B3GALT5: variants seen among roughly 807,000 people sequenced by gnomAD.
The protein encoded by B3GALT5 is UDP-Gal:betaGlcNAc beta 1,3-galactosyltransferase, polypeptide 5.
For synonymous variants in B3GALT5, 156 were observed against 158.6 expected (o/e 0.98, Z 0.12); for missense variants, 328 against 396.6 (o/e 0.83, Z 1.47).
chr21:39,628,755 A>G (rs576348436), intron 1 of B3GALT5, among the ~76,000 whole-genome samples: 1 of 152,382 alleles, frequency 6.6e-6, no homozygotes, highest in South Asian at 2.1e-4. Flanking sequence ...GAGCAGATGT[A>G]AGTCTTTAGA....
At chr21:39,616,191 A>C (rs1164230127) in intron 1 of B3GALT5, among the ~76,000 whole-genome samples, 1 of 152,102 alleles carries the variant, frequency 6.6e-6, no homozygotes, top group Admixed American at 6.5e-5. Context: ...CTGAAAATGA[A>C]AGAGCTCTGA....
In B3GALT5 at chr21:39,662,286, G is replaced by A. The variant is rs2079535245; in HGVS notation, c.*794G>A. On this transcript the variant is annotated 3_prime_UTR_variant, in exon 4 of 4. Coordinates refer to ENST00000684187, the MANE Select transcript of B3GALT5 (RefSeq NM_001356336.2). ...ACTGCCCACACTGCTGACCTGCCTA[G>A]CGAGCAGGACATCCCTTCTGAGCCA... 1 of 167,120 alleles carries A rather than the reference G, an allele frequency of 6.0e-6. No homozygotes were observed. The highest frequency in any genetic ancestry group is 2.4e-5 in the African/African-American group (1 of 41,442). 10.4% of individuals were successfully genotyped at this position (167,120 alleles called of 1,614,324 possible). A position where few individuals can be genotyped will look rare whatever the true frequency, so the allele number is the denominator to read the frequency against.
At chr21:39,637,491 A>G (rs1347933017) in intron 1 of B3GALT5, among the ~76,000 whole-genome samples, 1 of 152,258 alleles carries the variant, frequency 6.6e-6, no homozygotes, top group Admixed American at 6.5e-5. Context: ...TTTCAACTGA[A>G]AAATCTTTGC....
At chr21:39,614,614 T>G (rs1008761752) in intron 1 of B3GALT5, among the ~76,000 whole-genome samples, 1 of 152,196 alleles carries the variant, frequency 6.6e-6, no homozygotes, top group South Asian at 2.1e-4. Context: ...ATGGCCAAAC[T>G]TCTCCACACG....
At chr21:39,613,694 G>A (rs1432621085) in intron 1 of B3GALT5, among the ~76,000 whole-genome samples, 1 of 152,176 alleles carries the variant, frequency 6.6e-6, no homozygotes, top group African/African-American at 2.4e-5. Flanking sequence ...GTGTGTGCGC[G>A]CGTATGTGTG....
intron 1 of B3GALT5, among the ~76,000 whole-genome samples, chr21:39,639,727 C>T (rs1009693994): frequency 3.3e-5 from 5 of 151,866 alleles, no homozygotes; most frequent in African/African-American, 7.3e-5. Flanking sequence ...ATCCACCTGC[C>T]TCGGCCTCCC....
intron 2 of B3GALT5, 54 bp downstream of exon 2, chr21:39,646,676 A>C (rs1012645979): frequency 1.3e-5 from 2 of 152,190 alleles, no homozygotes; most frequent in Non-Finnish European, 2.9e-5. Context: ...AATCCCAATA[A>C]TTAAAGTGAT....
intron 2 of B3GALT5, among the ~76,000 whole-genome samples, chr21:39,651,449 C>T (rs1424632196): frequency 6.6e-6 from 1 of 152,196 alleles, no homozygotes; most frequent in Non-Finnish European, 1.5e-5. Flanking sequence ...AAGCCTTGAG[C>T]CCTGCCTTCC....
intron 1 of B3GALT5, among the ~76,000 whole-genome samples, chr21:39,640,604 G>A (rs2079282418): frequency 6.6e-6 from 1 of 152,038 alleles, no homozygotes; most frequent in Admixed American, 6.5e-5. Context: ...TGCCCAGCCT[G>A]TACTGAACTT....
chr21:39,618,703 T>A (rs1247786952), intron 1 of B3GALT5, among the ~76,000 whole-genome samples: 2 of 152,198 alleles, frequency 1.3e-5, no homozygotes, highest in African/African-American at 4.8e-5. Flanking sequence ...ATTTTAGTAA[T>A]ATACATTGCA....
At chr21:39,619,451 G>A (rs920076327) in intron 1 of B3GALT5, among the ~76,000 whole-genome samples, 1 of 152,030 alleles carries the variant, frequency 6.6e-6, no homozygotes, top group African/African-American at 2.4e-5. Flanking sequence ...TGAACTTTGG[G>A]TGGACACAAT....
chr21:39,664,936 G>GT lies in B3GALT5; in HGVS notation c.*3446dup, dbSNP rs1374052623. The GT allele has an allele frequency of 6.6e-6, 1 of 152,058 alleles. No homozygotes were observed. Among genetic ancestry groups the GT allele is most frequent in the Non-Finnish European group, 1.5e-5 (1 of 68,104 alleles). The allele number at this position is 152,058 out of a possible 1,614,324, so 9.4% of individuals were successfully genotyped here. A position where few individuals can be genotyped will look rare whatever the true frequency, so the allele number is the denominator to read the frequency against. Reference sequence around the variant, plus strand: ...TGCGTGGGGCCCCCTTTCTTCCCTGGTTATACCCAGTCCTCCGAGGGGCCC... The same window carrying GT: ...TGCGTGGGGCCCCCTTTCTTCCCTGGTTTATACCCAGTCCTCCGAGGGGCCC... On this transcript the variant is annotated 3_prime_UTR_variant, in exon 4 of 4. Coordinates refer to ENST00000684187, the MANE Select transcript of B3GALT5 (RefSeq NM_001356336.2).
At chr21:39,613,400 A>C (rs2079091079) in intron 1 of B3GALT5, among the ~76,000 whole-genome samples, 1 of 152,198 alleles carries the variant, frequency 6.6e-6, no homozygotes, top group Non-Finnish European at 1.5e-5. Flanking sequence ...AACATCGCAC[A>C]ATTAAAAAGA....
intron 1 of B3GALT5, among the ~76,000 whole-genome samples, chr21:39,642,968 C>T (rs2079302872): frequency 6.6e-6 from 1 of 151,618 alleles, no homozygotes; most frequent in Non-Finnish European, 1.5e-5. Flanking sequence ...AGGAGGATTG[C>T]TTGAGCCCGA....
At chr21:39,656,394 C>T (rs1366940055) in intron 2 of B3GALT5, among the ~76,000 whole-genome samples, 2 of 152,178 alleles carry the variant, frequency 1.3e-5, no homozygotes, top group African/African-American at 4.8e-5. Context: ...ATTCCCATCC[C>T]CTGGTTCCAC....
intron 2 of B3GALT5, among the ~76,000 whole-genome samples, chr21:39,648,958 C>A (rs1602288264): frequency 6.6e-6 from 1 of 152,248 alleles, no homozygotes; most frequent in Non-Finnish European, 1.5e-5. Context: ...TGATCTTAGA[C>A]TCCTGTCTCC....
intron 1 of B3GALT5, among the ~76,000 whole-genome samples, chr21:39,629,462 A>G (rs1007274584): frequency 4.6e-5 from 7 of 152,168 alleles, no homozygotes; most frequent in Non-Finnish European, 7.3e-5. Flanking sequence ...TATCAGTAAT[A>G]TTGTTTTAAT....
At chr21:39,621,411 T>C (rs1029587779) in intron 1 of B3GALT5, among the ~76,000 whole-genome samples, 1 of 152,178 alleles carries the variant, frequency 6.6e-6, no homozygotes, top group African/African-American at 2.4e-5. Context: ...TTCTTTTCTT[T>C]TACTATCCTT....
At chr21:39,635,653 T>A (rs966745479) in intron 1 of B3GALT5, among the ~76,000 whole-genome samples, 1 of 152,078 alleles carries the variant, frequency 6.6e-6, no homozygotes, top group Non-Finnish European at 1.5e-5. Flanking sequence ...TAATTTTGTA[T>A]TTTTTTAGTA....
Sources: allele counts gnomAD v4.1 joint callset (sites outside exome capture counted in the v4.1 genomes callset), GRCh38; gene constraint gnomAD v4.1.1; transcripts MANE v1.5; gene names NCBI Gene and HGNC (gene_info 2026-07-23, HGNC 2026-07-21).